Variants in LRRN2 observed in about 807,000 individuals in gnomAD.
The protein encoded by LRRN2 is leucine-rich repeat neuronal protein 2.
A neutral mutation model predicts 35.7 loss-of-function variants in LRRN2; 10 were observed. The observed-to-expected ratio is 0.28, with a 90% confidence interval of 0.17 to 0.47. LRRN2 has a LOEUF of 0.47. Ranked by LOEUF, LRRN2 falls within the 20% of genes least tolerant of loss-of-function variation. LRRN2 has a pLI of 0.99. For missense variants in LRRN2, 731 were observed against 940.3 expected (o/e 0.78, Z 2.91); for synonymous variants, 391 against 409.6 (o/e 0.95, Z 0.55).
intron 1 of LRRN2, among the ~76,000 whole-genome samples, chr1:204,650,282 T>C (rs1668195325): frequency 1.3e-5 from 2 of 152,232 alleles, no homozygotes; most frequent in Non-Finnish European, 1.5e-5. Context: ...AGTGGGCTAA[T>C]TGTTTTCCCT....
At position 204,619,620 on chromosome 1, in the gene LRRN2, C is replaced by G; in HGVS notation, c.373G>C (p.Glu125Gln). The G allele has an allele frequency of 6.2e-7, 1 of 1,614,194 alleles. No individual in the cohort carries two copies. Among genetic ancestry groups the G allele is most frequent in the Non-Finnish European group, 8.5e-7 (1 of 1,180,038 alleles). ...TCCAGCCGGGTCAGCTGGTTCTCCTCTAGGTGCAGGCTCAGCAGCTGGGGC... is the reference window on the plus strand; with the variant it reads ...TCCAGCCGGGTCAGCTGGTTCTCCTGTAGGTGCAGGCTCAGCAGCTGGGGC... ...ALPQLLSLHL[E>Q]ENQLTRLEDH... The change falls in exon 2 of 2, where the codon GAG (glutamate) becomes CAG (glutamine). Residue 125 changes from glutamate to glutamine, a missense_variant. Coordinates refer to ENST00000367177, the MANE Select transcript of LRRN2 (RefSeq NM_201630.2).
At position 204,618,035 on chromosome 1, in the gene LRRN2, C is replaced by G. The variant is rs775169760; in HGVS notation, c.1958G>C (p.Gly653Ala). ...CCCACCCACACCCTTCCTGGGTTGGCCTGTGCCAAGGTGGGCCGCTAGCCC... is the reference window on the plus strand; with the variant it reads ...CCCACCCACACCCTTCCTGGGTTGGGCTGTGCCAAGGTGGGCCGCTAGCCC... Reference protein sequence around the residue: ...AAGLAAHLGTGQPRKGVGGRR... With the variant: ...AAGLAAHLGTAQPRKGVGGRR... Residue 653 changes from glycine (G) to alanine (A), a missense_variant, in exon 2 of 2, where the codon GGC (glycine) becomes GCC (alanine). Physicochemically the swap from Gly to Ala is moderately conservative, Grantham distance 60 (BLOSUM62 0). Around this residue, in one of 3 missense-constraint regions of LRRN2, gnomAD observed 229 missense variants for 258.4 expected, o/e 0.89. Transcript: ENST00000367177. 6.2e-7 allele frequency: 1 copy of G among 1,612,838 alleles called. No individual in the cohort carries two copies. Among genetic ancestry groups the G allele is most frequent in the Non-Finnish European group, 8.5e-7 (1 of 1,179,432 alleles).
chr1:204,649,777 G>A (rs915138637), intron 1 of LRRN2, among the ~76,000 whole-genome samples: 5 of 152,116 alleles, frequency 3.3e-5, no homozygotes, highest in Admixed American at 6.5e-5. Context: ...AGACATGGAC[G>A]TGAGCCCTCT....
intron 1 of LRRN2, among the ~76,000 whole-genome samples, chr1:204,669,783 G>A (rs1668668001): frequency 1.3e-5 from 2 of 152,220 alleles, no homozygotes; most frequent in Non-Finnish European, 2.9e-5. Context: ...AGAGCATGAG[G>A]GAGGGGAGTG....
chr1:204,637,640 C>T (rs960354049), intron 1 of LRRN2, among the ~76,000 whole-genome samples: 11 of 141,738 alleles, frequency 7.8e-5, no homozygotes, highest in South Asian at 4.7e-4. Flanking sequence ...TATTGCAGCA[C>T]GTGACGTGTG....
intron 1 of LRRN2, among the ~76,000 whole-genome samples, chr1:204,630,568 T>C (rs1160164551): frequency 6.6e-6 from 1 of 150,484 alleles, no homozygotes; most frequent in Non-Finnish European, 1.5e-5. Flanking sequence ...GCCTGCTCCC[T>C]GTCAGCTGTC....
chr1:204,639,462 C>T (rs1268540323), intron 1 of LRRN2, among the ~76,000 whole-genome samples: 6 of 148,228 alleles, frequency 4.0e-5, no homozygotes, highest in South Asian at 2.2e-4. Context: ...GTGAGACCCC[C>T]GTCTCTATAA....
At chr1:204,673,465 G>A (rs530877160) in intron 1 of LRRN2, among the ~76,000 whole-genome samples, 69 of 152,188 alleles carry the variant, frequency 4.5e-4, no homozygotes, top group Non-Finnish European at 7.9e-4. Context: ...ATGAGAGACT[G>A]AGACACGTCC....
chr1:204,618,369 G>A lies in LRRN2; in HGVS notation c.1624C>T (p.Leu542=), dbSNP rs1666539658. ...RVQETHPYHI[L]LSWVTPPNTV... ...TTGGGTGGGGTGACCCAAGATAGCA[G>A]GATGTGATAGGGGTGGGTCTCCTGC... The change falls in exon 2 of 2, where the codon CTG becomes TTG. Residue 542 remains leucine, a synonymous_variant. Transcript: ENST00000367177. 6.2e-7 allele frequency: 1 copy of A among 1,605,806 alleles called. No homozygotes were observed. Among genetic ancestry groups the A allele is most frequent in the Non-Finnish European group, 8.5e-7 (1 of 1,175,050 alleles).
rs1048343982 is a variant in LRRN2, at chr1:204,637,439, G to A, written c.-226-17221C>T. Among the ~76,000 whole-genome samples the A allele has an allele frequency of 2.6e-5, 4 of 152,168 alleles. No homozygotes were observed. In the South Asian group the frequency reaches 8.3e-4, roughly 32 times the overall value. On this transcript the variant is annotated intron_variant, in intron 1 of 1. Coordinates refer to ENST00000367177, the MANE Select transcript of LRRN2 (RefSeq NM_201630.2). The stretch of plus-strand genomic sequence containing the variant: ...GCTGGCAGCCAGAGGGAGCGGCTCA[G>A]GGAGACGCTTGGTTGCCCCAGGCCC...
intron 1 of LRRN2, among the ~76,000 whole-genome samples, chr1:204,679,776 C>T (rs980732821): frequency 1.2e-4 from 19 of 152,214 alleles, no homozygotes; most frequent in African/African-American, 4.6e-4. Context: ...TCTTAAGGTC[C>T]AGCTTCTCTG....
intron 1 of LRRN2, among the ~76,000 whole-genome samples, chr1:204,666,764 C>T (rs1171547195): frequency 6.6e-6 from 1 of 152,046 alleles, no homozygotes; most frequent in Non-Finnish European, 1.5e-5. Context: ...AATTTGAGAC[C>T]AGCCTGGCCA....
chr1:204,675,091 C>A (rs1447190596), intron 1 of LRRN2, among the ~76,000 whole-genome samples: 3 of 152,104 alleles, frequency 2.0e-5, no homozygotes, highest in African/African-American at 2.4e-5. Context: ...TCACACAAAA[C>A]CACTCCTTCC....
At chr1:204,638,474 C>T (rs772841586) in intron 1 of LRRN2, among the ~76,000 whole-genome samples, 2 of 123,456 alleles carry the variant, frequency 1.6e-5, no homozygotes, top group Non-Finnish European at 3.1e-5. Flanking sequence ...TGCAGTGGTG[C>T]GATCTCGGTT....
rs569830680 is a variant in LRRN2, at chr1:204,653,640, C to T, written c.-227+31680G>A. Among the ~76,000 whole-genome samples, 10 of 152,194 alleles carry T rather than the reference C, an allele frequency of 6.6e-5. No individual in the cohort carries two copies. In the South Asian group the frequency reaches 1.9e-3, roughly 28 times the overall value. Reference sequence around the variant, plus strand: ...CTCTGGGAGGCAGAGGCAGGAGGATCACTTGAGACCAAGAGTTCAAGACCA... The same window carrying T: ...CTCTGGGAGGCAGAGGCAGGAGGATTACTTGAGACCAAGAGTTCAAGACCA... On this transcript the variant is annotated intron_variant, in intron 1 of 1. Coordinates refer to ENST00000367177, the MANE Select transcript of LRRN2 (RefSeq NM_201630.2).
chr1:204,631,515 A>G (rs1019953285), intron 1 of LRRN2, among the ~76,000 whole-genome samples: 1 of 151,066 alleles, frequency 6.6e-6, no homozygotes, highest in Non-Finnish European at 1.5e-5. Context: ...AAACCAGTGT[A>G]CCAGAGGATG....
intron 1 of LRRN2, among the ~76,000 whole-genome samples, chr1:204,680,200 G>A (rs1171647789): frequency 6.6e-6 from 1 of 152,156 alleles, no homozygotes; most frequent in Non-Finnish European, 1.5e-5. Context: ...ATCTAATAGG[G>A]GTACTTTTGA....
At position 204,619,987 on chromosome 1, in the gene LRRN2, C is replaced by A. The variant is rs1484021735; in HGVS notation, c.6G>T (p.Arg2Ser). The change falls in exon 2 of 2, where the codon AGG becomes AGT. Residue 2 changes from arginine (R) to serine (S), a missense_variant. This residue lies in a region of LRRN2 where 246 missense variants were observed against 289.5 expected (regional missense o/e 0.85). Coordinates refer to ENST00000367177, the MANE Select transcript of LRRN2 (RefSeq NM_201630.2). ...CTAGCAAGAGTGGGGCCACGAGAAG[C>A]CTCATGGTGGAGCTGCAGGGCAGGG... MRLLVAPLLLAW... is the reference protein window; with the variant it reads MSLLVAPLLLAW... 4.4e-6 allele frequency: 7 copies of A among 1,608,336 alleles called. No homozygotes were observed. Among genetic ancestry groups the A allele is most frequent in the Non-Finnish European group, 5.9e-6 (7 of 1,177,962 alleles).
chr1:204,631,541 G>C (rs1342623422), intron 1 of LRRN2, among the ~76,000 whole-genome samples: 1 of 151,342 alleles, frequency 6.6e-6, no homozygotes, highest in East Asian at 2.0e-4. Context: ...AGTTGTCACA[G>C]AGCAAGGGCA....
Sources: gnomAD v4.1 joint callset for allele counts (sites outside exome capture counted in the v4.1 genomes callset) on GRCh38, gnomAD v4.1.1 for gene constraint, gnomAD v4.1.1 regional missense constraint, MANE v1.5 for transcripts, NCBI Gene and HGNC (gene_info 2026-07-23, HGNC 2026-07-21) for gene names.